Variants in CNTN5 observed in about 807,000 individuals in gnomAD.
CNTN5 encodes the protein contactin-5.
In CNTN5, 77 loss-of-function variants were observed where a neutral mutation model predicts 129.1. That is an observed-to-expected ratio of 0.60 (90% CI 0.50 to 0.72). CNTN5 has a LOEUF of 0.72. Among genes scored for constraint, CNTN5 ranks in the 30% least tolerant of loss-of-function variants. The pLI is 0.00. For missense variants in CNTN5, 1,478 were observed against 1,328.8 expected (o/e 1.11, Z -1.75); for synonymous variants, 509 against 465.6 (o/e 1.09, Z -1.20).
intron 6 of CNTN5, among the ~76,000 whole-genome samples, chr11:99,854,907 A>C (rs1947986353): frequency 6.6e-6 from 1 of 152,196 alleles, no homozygotes; most frequent in Admixed American, 6.5e-5. Context: ...GAAAGAAAGA[A>C]GCTAGTGAAA....
intron 13 of CNTN5, among the ~76,000 whole-genome samples, chr11:100,155,006 C>A (rs1317940787): frequency 6.6e-6 from 1 of 152,106 alleles, no homozygotes; most frequent in African/African-American, 2.4e-5. Flanking sequence ...TTTGGCTGTG[C>A]AGAAACTCTT....
chr11:100,240,335 A>G (rs2138678928), intron 16 of CNTN5, among the ~76,000 whole-genome samples: 1 of 152,188 alleles, frequency 6.6e-6, no homozygotes, highest in South Asian at 2.1e-4. Flanking sequence ...GATAGTACCA[A>G]GTTCACTGTC....
At chr11:99,172,451 G>A (rs922651760) in intron 1 of CNTN5, among the ~76,000 whole-genome samples, 1 of 152,034 alleles carries the variant, frequency 6.6e-6, no homozygotes, top group African/African-American at 2.4e-5. Flanking sequence ...TGAGAAAATT[G>A]TGCCTAATAT....
intron 1 of CNTN5, among the ~76,000 whole-genome samples, chr11:99,070,506 T>A (rs1818121213): frequency 6.7e-6 from 1 of 148,190 alleles, no homozygotes; most frequent in South Asian, 2.2e-4. Context: ...GCAAGCTACC[T>A]CCATTTCCAT....
intron 21 of CNTN5, among the ~76,000 whole-genome samples, chr11:100,329,399 C>G (rs1483442361): frequency 6.6e-6 from 1 of 152,196 alleles, no homozygotes; most frequent in Non-Finnish European, 1.5e-5. Flanking sequence ...AAGGCCCCAG[C>G]CACTGCCTGA....
chr11:99,816,945 T>C (rs1182386684), intron 3 of CNTN5, among the ~76,000 whole-genome samples: 1 of 152,218 alleles, frequency 6.6e-6, no homozygotes, highest in Non-Finnish European at 1.5e-5. Flanking sequence ...TTGACTGAGC[T>C]AATCACTAAT....
chr11:100,212,540 A>G (rs1163391069), intron 15 of CNTN5, among the ~76,000 whole-genome samples: 2 of 152,156 alleles, frequency 1.3e-5, no homozygotes, highest in Non-Finnish European at 2.9e-5. Flanking sequence ...ACATTACTGC[A>G]TTACAGCATT....
At chr11:99,630,495 A>C (rs1015357495) in intron 3 of CNTN5, among the ~76,000 whole-genome samples, 2 of 151,666 alleles carry the variant, frequency 1.3e-5, no homozygotes, top group Non-Finnish European at 2.9e-5. Flanking sequence ...GTCTTTCACC[A>C]CCCCGCACCC....
At chr11:99,061,385 T>A (rs1864871039) in intron 1 of CNTN5, among the ~76,000 whole-genome samples, 1 of 151,806 alleles carries the variant, frequency 6.6e-6, no homozygotes, top group Admixed American at 6.6e-5. Flanking sequence ...TCAGCAGCAG[T>A]GGTAGTGAAA....
chr11:99,896,186 T>C (rs903947540), intron 6 of CNTN5, among the ~76,000 whole-genome samples: 2 of 152,140 alleles, frequency 1.3e-5, no homozygotes, highest in African/African-American at 4.8e-5. Flanking sequence ...AGCTGACATA[T>C]GGAGGAATAG....
At chr11:99,751,928 G>A (rs1422273171) in intron 3 of CNTN5, among the ~76,000 whole-genome samples, 1 of 152,116 alleles carries the variant, frequency 6.6e-6, no homozygotes, top group Non-Finnish European at 1.5e-5. Flanking sequence ...GCTGCCATGT[G>A]AGGACACAAC....
chr11:99,248,755 G>C (rs985664209), intron 1 of CNTN5, among the ~76,000 whole-genome samples: 7 of 152,090 alleles, frequency 4.6e-5, no homozygotes, highest in African/African-American at 1.2e-4. Context: ...TGTCAGGTTT[G>C]TCAAAGATCA....
intron 6 of CNTN5, among the ~76,000 whole-genome samples, chr11:99,860,193 T>C (rs1313657120): frequency 6.6e-6 from 1 of 152,148 alleles, no homozygotes. Context: ...AATGGGGTTA[T>C]AGATTCTGAA....
At chr11:100,184,897 A>G (rs965961853) in intron 13 of CNTN5, among the ~76,000 whole-genome samples, 7 of 152,038 alleles carry the variant, frequency 4.6e-5, no homozygotes, top group African/African-American at 1.7e-4. Flanking sequence ...GAAGGGACCC[A>G]GTGGGAGGTC....
chr11:100,263,074 A>G (rs1405866329), intron 17 of CNTN5, among the ~76,000 whole-genome samples: 2 of 152,082 alleles, frequency 1.3e-5, no homozygotes, highest in Non-Finnish European at 2.9e-5. Flanking sequence ...ACAACTTCCC[A>G]TCTCTCTCCA....
At chr11:100,087,298 A>T (rs1430237560) in intron 13 of CNTN5, among the ~76,000 whole-genome samples, 1 of 151,876 alleles carries the variant, frequency 6.6e-6, no homozygotes, top group Non-Finnish European at 1.5e-5. Flanking sequence ...GAATTGAAAA[A>T]TTTAAATAAT....
chr11:99,925,904 A>T (rs1950051130), intron 7 of CNTN5, among the ~76,000 whole-genome samples: 1 of 152,120 alleles, frequency 6.6e-6, no homozygotes, highest in Admixed American at 6.5e-5. Flanking sequence ...GCTTCTAAAT[A>T]GCTATATTGT....
intron 1 of CNTN5, among the ~76,000 whole-genome samples, chr11:99,103,285 T>G (rs1866828471): frequency 6.6e-6 from 1 of 152,106 alleles, no homozygotes; most frequent in South Asian, 2.1e-4. Flanking sequence ...TGAATAAAAC[T>G]TTTTGATTAT....
rs1948827035 is a variant in CNTN5 at position 99,561,076 on chromosome 11, G to C, written c.55+4807G>C. 2.0e-5 allele frequency among the ~76,000 whole-genome samples: 3 copies of C among 152,124 alleles called. No individual in the cohort carries two copies. The South Asian group carries it at 6.2e-4, about 32-fold the overall frequency. ...TACCATTTTCTACTCAAAGCAACCA[G>C]GGCTGTTTAGAGAGAAGCCTAATTC... On this transcript the variant is annotated intron_variant, in intron 3 of 24. Coordinates refer to ENST00000524871, the MANE Select transcript of CNTN5 (RefSeq NM_014361.4).
Sources: allele counts gnomAD v4.1 joint callset (sites outside exome capture counted in the v4.1 genomes callset), GRCh38; gene constraint gnomAD v4.1.1; transcripts MANE v1.5; gene names NCBI Gene and HGNC (gene_info 2026-07-23, HGNC 2026-07-21).